The following SLC9A9 variants were observed in gnomAD, a reference collection of about 807,000 sequenced individuals.
SLC9A9 encodes the protein solute carrier family 9 member A9, also known as sodium/hydrogen exchanger 9.
A neutral mutation model predicts 77.8 loss-of-function variants in SLC9A9; 62 were observed. The observed-to-expected ratio is 0.80, with a 90% CI of 0.65 to 0.98. The LOEUF is 0.98. Ranked by LOEUF, SLC9A9 falls within the 50% of genes least tolerant of loss-of-function variation. The pLI is 0.00. For missense variants in SLC9A9, 775 were observed against 774.9 expected (o/e 1.00, Z 0.00); for synonymous variants, 320 against 283.5 (o/e 1.13, Z -1.29).
At chr3:143,754,197 A>G (rs2006846484) in intron 4 of SLC9A9, among the ~76,000 whole-genome samples, 1 of 152,224 alleles carries the variant, frequency 6.6e-6, no homozygotes, top group African/African-American at 2.4e-5. Flanking sequence ...AATGGAAAAT[A>G]TAGCAAAACA....
intron 12 of SLC9A9, among the ~76,000 whole-genome samples, chr3:143,464,983 G>T (rs2035259371): frequency 6.6e-6 from 1 of 152,160 alleles, no homozygotes; most frequent in South Asian, 2.1e-4. Flanking sequence ...TTATACTCTA[G>T]TTCCCAGCTG....
At chr3:143,631,145 T>C (rs2038417049) in intron 6 of SLC9A9, among the ~76,000 whole-genome samples, 1 of 152,170 alleles carries the variant, frequency 6.6e-6, no homozygotes, top group South Asian at 2.1e-4. Flanking sequence ...TAATTTTGCC[T>C]ACATCTAACT....
At chr3:143,400,830 T>C (rs184240237) in intron 12 of SLC9A9, among the ~76,000 whole-genome samples, 1 of 151,852 alleles carries the variant, frequency 6.6e-6, no homozygotes, top group Non-Finnish European at 1.5e-5. Context: ...AAGGGAGACA[T>C]CCTGTCTCTC....
chr3:143,488,924 C>T (rs994212170), intron 11 of SLC9A9, among the ~76,000 whole-genome samples: 2 of 151,676 alleles, frequency 1.3e-5, no homozygotes, highest in Non-Finnish European at 3.0e-5. Flanking sequence ...TAAAGGTATT[C>T]AAACTGAAAA....
chr3:143,789,742 A>G (rs1034062581), intron 4 of SLC9A9, among the ~76,000 whole-genome samples: 2 of 152,112 alleles, frequency 1.3e-5, no homozygotes, highest in African/African-American at 2.4e-5. Context: ...AAGAGGGCAG[A>G]GGGAGAGTGT....
Position 143,266,532 on chromosome 3 carries a change from A to G in SLC9A9, c.*170T>C, listed in dbSNP as rs1247377598. 1 of 693,330 alleles carries G rather than the reference A, an allele frequency of 1.4e-6. No homozygotes were observed. The highest frequency in any genetic ancestry group is 2.5e-6 in the Non-Finnish European group (1 of 402,424). 42.9% of individuals were successfully genotyped at this position (693,330 alleles called of 1,614,324 possible). On this transcript the variant is annotated 3_prime_UTR_variant, in exon 16 of 16. Coordinates refer to ENST00000316549, the MANE Select transcript of SLC9A9 (RefSeq NM_173653.4). The stretch of plus-strand genomic sequence containing the variant: ...TTGCATAATAGAGAGGGATAATAAA[A>G]TCTCATTTCTTCAGGCACCAGAGGA...
chr3:143,499,380 T>C (rs182565716), intron 9 of SLC9A9, among the ~76,000 whole-genome samples: 2 of 152,302 alleles, frequency 1.3e-5, no homozygotes, highest in Non-Finnish European at 1.5e-5. Context: ...TTCCTAGATA[T>C]TTGATGTTTC....
chr3:143,642,114 A>C (rs1337216669), intron 6 of SLC9A9, among the ~76,000 whole-genome samples: 1 of 152,214 alleles, frequency 6.6e-6, no homozygotes, highest in East Asian at 1.9e-4. Flanking sequence ...TCTTATTCTT[A>C]AATGACATTT....
intron 4 of SLC9A9, among the ~76,000 whole-genome samples, chr3:143,719,054 A>G (rs1302244412): frequency 2.6e-5 from 4 of 152,178 alleles, no homozygotes; most frequent in Non-Finnish European, 5.9e-5. Context: ...GATAAATGGA[A>G]CGTTAACTTC....
chr3:143,306,699 C>A (rs1027952827), intron 14 of SLC9A9, among the ~76,000 whole-genome samples: 1 of 152,120 alleles, frequency 6.6e-6, no homozygotes, highest in Non-Finnish European at 1.5e-5. Context: ...CTGATCTCCC[C>A]GCTTGCCCTC....
At chr3:143,412,552 A>G (rs1206991394) in intron 12 of SLC9A9, among the ~76,000 whole-genome samples, 1 of 152,100 alleles carries the variant, frequency 6.6e-6, no homozygotes, top group African/African-American at 2.4e-5. Context: ...CAAATCCCTC[A>G]GACTCTCTCT....
intron 9 of SLC9A9, among the ~76,000 whole-genome samples, chr3:143,531,645 A>C (rs988600888): frequency 6.6e-6 from 1 of 152,264 alleles, no homozygotes; most frequent in Non-Finnish European, 1.5e-5. Flanking sequence ...ATTAGGAAAA[A>C]TAAGACCAAA....
At chr3:143,821,009 T>C (rs2009153402) in intron 2 of SLC9A9, among the ~76,000 whole-genome samples, 1 of 151,960 alleles carries the variant, frequency 6.6e-6, no homozygotes, top group Admixed American at 6.6e-5. Context: ...GCAACTGGCC[T>C]GGGGAAGCTG....
intron 14 of SLC9A9, among the ~76,000 whole-genome samples, chr3:143,331,964 A>G (rs190595269): frequency 3.4e-4 from 52 of 152,318 alleles, no homozygotes; most frequent in Admixed American, 7.8e-4. Flanking sequence ...GAAATTATTG[A>G]GAGGAAAGAA....
intron 12 of SLC9A9, among the ~76,000 whole-genome samples, chr3:143,431,424 C>T (rs548510377): frequency 6.6e-6 from 1 of 151,476 alleles, no homozygotes; most frequent in East Asian, 1.9e-4. Context: ...CAGAGGAGTT[C>T]TTTCAAATTG....
intron 12 of SLC9A9, among the ~76,000 whole-genome samples, chr3:143,457,174 C>T (rs2035108925): frequency 6.6e-6 from 1 of 152,096 alleles, no homozygotes; most frequent in African/African-American, 2.4e-5. Flanking sequence ...CATGTACCAC[C>T]ATGCCTGGCT....
chr3:143,612,336 A>T (rs1486849031), intron 6 of SLC9A9, among the ~76,000 whole-genome samples: 1 of 152,214 alleles, frequency 6.6e-6, no homozygotes, highest in Non-Finnish European at 1.5e-5. Flanking sequence ...TTTAAACGGA[A>T]TATTGTCTGG....
intron 12 of SLC9A9, among the ~76,000 whole-genome samples, chr3:143,396,909 CA>C (rs1168332987): frequency 6.6e-6 from 1 of 152,126 alleles, no homozygotes; most frequent in Non-Finnish European, 1.5e-5. Flanking sequence ...ATGTATCTGA[CA>C]ATTTAGATAT....
At chr3:143,740,475 A>G (rs984097254) in intron 4 of SLC9A9, among the ~76,000 whole-genome samples, 5 of 152,210 alleles carry the variant, frequency 3.3e-5, no homozygotes, top group Non-Finnish European at 2.9e-5. Context: ...TATTTGTCCT[A>G]ATTAATAATG....
Sources: gnomAD v4.1 joint callset for allele counts (sites outside exome capture counted in the v4.1 genomes callset) on GRCh38, gnomAD v4.1.1 for gene constraint, MANE v1.5 for transcripts, NCBI Gene and HGNC (gene_info 2026-07-23, HGNC 2026-07-21) for gene names.